The following HMG20B variants were observed in gnomAD, a reference collection of about 807,000 sequenced individuals.
The protein encoded by HMG20B is SWI/SNF-related matrix-associated actin-dependent regulator of chromatin subfamily E member 1-related.
HMG20B carries 24 observed loss-of-function variants against 41.6 expected under a neutral mutation model. That is an observed-to-expected ratio of 0.58 (90% confidence interval 0.42 to 0.81). The LOEUF (loss-of-function observed/expected upper bound fraction) is 0.81. Ranked by LOEUF, HMG20B falls within the 30% of genes least tolerant of loss-of-function variation. HMG20B has a pLI of 0.00. For missense variants in HMG20B, 461 were observed against 444.0 expected (o/e 1.04, Z -0.34); for synonymous variants, 251 against 186.6 (o/e 1.34, Z -2.81).
At position 3,577,097 on chromosome 19, in the gene HMG20B, G is replaced by A. The variant is rs1028537868; in HGVS notation, c.798G>A (p.Leu266=). The A allele has an allele frequency of 1.3e-6, 2 of 1,533,508 alleles. No individual in the cohort carries two copies. The highest frequency in any genetic ancestry group is 1.7e-6 in the Non-Finnish European group (2 of 1,143,422). The allele number at this position is 1,533,508 out of a possible 1,614,324, so 95.0% of individuals were successfully genotyped here. Reference sequence around the variant, plus strand: ...CGCTCACCGCCAGCTTCGCCTCACTGCCGGTGCCGGGTGCGGGCCACGCCC... The same window carrying A: ...CGCTCACCGCCAGCTTCGCCTCACTACCGGTGCCGGGTGCGGGCCACGCCC... ...RQALTASFAS[L]PVPGTGETPT... is the part of the protein sequence containing the mutation. The change falls in exon 8 of 10, where the codon CTG becomes CTA. Residue 266 remains leucine (L), a synonymous_variant. Coordinates refer to ENST00000333651, the MANE Select transcript of HMG20B (RefSeq NM_006339.3).
In HMG20B at chr19:3,578,070, A is replaced by C; in HGVS notation, c.898A>C (p.Lys300Gln). 1.9e-6 allele frequency: 3 copies of C among 1,611,424 alleles called. No individual in the cohort carries two copies. The highest frequency in any genetic ancestry group is 2.5e-6 in the Non-Finnish European group (3 of 1,179,412). The change falls in exon 9 of 10, where the codon AAG becomes CAG. Residue 300 changes from lysine to glutamine, a missense_variant. Physicochemically the swap from Lys to Gln is moderately conservative, Grantham distance 53 (BLOSUM62 1). Transcript: ENST00000333651. ...AIERDPAQHEKLIVRIKEILA... is the reference protein window; with the variant it reads ...AIERDPAQHEQLIVRIKEILA... Reference sequence around the variant, plus strand: ...CGAGCGCGACCCCGCCCAGCACGAGAAGCTCATCGTCCGCATCAAGGAAAT... The same window carrying C: ...CGAGCGCGACCCCGCCCAGCACGAGCAGCTCATCGTCCGCATCAAGGAAAT...
At chr19:3,573,225 C>T in intron 1 of HMG20B, 67 bp from the exon 2 acceptor site, 2 of 1,336,394 alleles carry the variant, frequency 1.5e-6, no homozygotes, top group Non-Finnish European at 1.0e-6. Flanking sequence ...TCGCGGGGTA[C>T]CCCAGTTCGC....
At position 3,576,898 on chromosome 19, in the gene HMG20B, AGGCGGAGCTTC is replaced by A. The variant is rs1568272861; in HGVS notation, c.604_614del (p.Glu202LeufsTer159). On this transcript the variant is annotated frameshift_variant, in exon 8 of 10. Coordinates refer to ENST00000333651, the MANE Select transcript of HMG20B (RefSeq NM_006339.3). LOFTEE classifies it high-confidence loss of function. ...CCCGCTCCCCCCGGCGCAGCGCGTG[AGGCGGAGCTTC>A]GGCGCTTGCGGAAGATGAATGTGGC... 1.3e-6 allele frequency: 2 copies of A among 1,570,306 alleles called. No homozygotes were observed. The highest frequency in any genetic ancestry group is 3.7e-5 in the Admixed American group (2 of 53,362).
intron 1 of HMG20B, 145 bp downstream of exon 1, chr19:3,573,139 G>T: frequency 1.8e-6 from 1 of 564,818 alleles, no homozygotes; most frequent in Non-Finnish European, 2.9e-6. Flanking sequence ...TTCTTGGGGC[G>T]CCCGCCCTCG....
At chr19:3,573,629 G>T (rs1416928618) in intron 2 of HMG20B, 63 bp from the exon 3 acceptor site, 19 of 1,388,510 alleles carry the variant, frequency 1.4e-5, no homozygotes, top group Non-Finnish European at 1.8e-5. Context: ...AACGCCCTGG[G>T]GTGGGCTTTT....
chr19:3,578,869 A>C lies in HMG20B; in HGVS notation c.*348A>C, dbSNP rs928271505. 1.2e-5 allele frequency: 7 copies of C among 563,936 alleles called. No individual in the cohort carries two copies. The highest frequency in any genetic ancestry group is 5.6e-5 in the African/African-American group (3 of 53,704). The allele number at this position is 563,936 out of a possible 1,614,324, so 34.9% of individuals were successfully genotyped here. ...CCCAGCACACGGCAGGACCCCCCAA[A>C]TTACTCACTACGGGGGGCTGTGCCA... On this transcript the variant is annotated 3_prime_UTR_variant, in exon 10 of 10. Coordinates refer to ENST00000333651, the MANE Select transcript of HMG20B (RefSeq NM_006339.3).
intron 8 of HMG20B, among the ~76,000 whole-genome samples, chr19:3,577,314 G>T (rs1300684083): frequency 8.8e-6 from 1 of 113,750 alleles, no homozygotes; most frequent in East Asian, 3.0e-4. Flanking sequence ...CTACCCCATA[G>T]CTCCGTCTGG....
rs1053079048 is a variant in HMG20B at position 3,578,744 on chromosome 19, G to A, written c.*223G>A. 2.6e-6 allele frequency: 2 copies of A among 766,710 alleles called. No individual in the cohort carries two copies. Among genetic ancestry groups the A allele is most frequent in the African/African-American group, 1.7e-5 (1 of 58,920 alleles). 47.5% of individuals were successfully genotyped at this position (766,710 alleles called of 1,614,324 possible). ...AAGCACTCGCTGCGCGATACACCCA[G>A]AAGAACCTCACAGCCGAGGGTGCCC... On this transcript the variant is annotated 3_prime_UTR_variant, in exon 10 of 10. Transcript: ENST00000333651.
At chr19:3,578,438 G>T in intron 9 of HMG20B, 71 bp from the exon 10 acceptor site, 1 of 1,457,854 alleles carries the variant, frequency 6.9e-7, no homozygotes, top group South Asian at 1.5e-5. Context: ...TGGTCTCTGG[G>T]GTTCCCCAGG....
At chr19:3,578,252 G>A (rs749495182) in intron 9 of HMG20B, 139 bp downstream of exon 9, 10 of 1,290,358 alleles carry the variant, frequency 7.7e-6, no homozygotes, top group South Asian at 4.3e-5. Flanking sequence ...GCCTACCTGC[G>A]GTCGCCCCTG....
chr19:3,574,688 C>A, intron 4 of HMG20B, 102 bp downstream of exon 4: 2 of 1,115,288 alleles, frequency 1.8e-6, no homozygotes, highest in Non-Finnish European at 2.5e-6. Context: ...TTTCCTTCTT[C>A]CTGGAGAAAT....
chr19:3,578,974 G>T lies in HMG20B; in HGVS notation c.*453G>T. ...CCTGTACCCCAGATGGGTGGGGGCC[G>T]GCTTTGCCCATCCTGCTCTCCTCCA... On this transcript the variant is annotated 3_prime_UTR_variant, in exon 10 of 10. Transcript: ENST00000333651. 2.7e-6 allele frequency: 1 copy of T among 368,736 alleles called. No homozygotes were observed. The allele number at this position is 368,736 out of a possible 1,614,324, so 22.8% of individuals were successfully genotyped here.
chr19:3,573,741 G>C lies in HMG20B; in HGVS notation c.88G>C (p.Val30Leu), dbSNP rs1460313744. The C allele has an allele frequency of 2.6e-5, 40 of 1,545,708 alleles. No individual in the cohort carries two copies. The highest frequency in any genetic ancestry group is 3.4e-5 in the Non-Finnish European group (39 of 1,150,410). Reference protein sequence around the residue: ...PGQHGGFVVTVKQERGEGPRA... With the variant: ...PGQHGGFVVTLKQERGEGPRA... ...CCAGCATGGGGGCTTCGTGGTGACT[G>C]TCAAGCAAGAGCGCGGCGAGGGTCC... is the stretch of plus-strand genomic sequence containing the variant. Residue 30 changes from valine to leucine, a missense_variant, in exon 3 of 10, where the codon GTC becomes CTC. Transcript: ENST00000333651.
chr19:3,573,107 G>A, intron 1 of HMG20B, 113 bp downstream of exon 1: 1 of 514,228 alleles, frequency 1.9e-6, no homozygotes, highest in Non-Finnish European at 3.4e-6. Context: ...CCTCCCGGGG[G>A]GGGCAATCGC....
intron 9 of HMG20B, 149 bp from the exon 10 acceptor site, chr19:3,578,360 C>G: frequency 8.0e-7 from 1 of 1,255,284 alleles, no homozygotes; most frequent in African/African-American, 1.5e-5. Flanking sequence ...TGGATCCCAG[C>G]GCCCGGGTTA....
At chr19:3,577,447 T>G in intron 8 of HMG20B, among the ~76,000 whole-genome samples, 2 of 134,720 alleles carry the variant, frequency 1.5e-5, no homozygotes, top group Non-Finnish European at 1.6e-5. Flanking sequence ...GCTTACTCGC[T>G]TCCTCCCGCA....
chr19:3,578,359 GCGCCCGGGTTAGATAGGTTCAA>G (rs1568273812), intron 9 of HMG20B, 128 bp from the exon 10 acceptor site: 4 of 1,255,234 alleles, frequency 3.2e-6, no homozygotes, highest in Non-Finnish European at 4.3e-6. Context: ...GTGGATCCCA[GCGCCCGGGTTAGATAGGTTCAA>G]CGCCTGTCCC....
chr19:3,578,570 G>C lies in HMG20B; in HGVS notation c.*49G>C. 6.4e-7 allele frequency: 1 copy of C among 1,555,050 alleles called. No individual in the cohort carries two copies. Among genetic ancestry groups the C allele is most frequent in the Non-Finnish European group, 8.7e-7 (1 of 1,149,962 alleles). ...GAGGAGAAGCTGTGGGCGCGGCCCT[G>C]CCACACCCCACCCCGTGGACGAGAG... On this transcript the variant is annotated 3_prime_UTR_variant, in exon 10 of 10. Coordinates refer to ENST00000333651, the MANE Select transcript of HMG20B (RefSeq NM_006339.3).
chr19:3,574,131 A>G, intron 3 of HMG20B: 1 of 620,046 alleles, frequency 1.6e-6, no homozygotes, highest in Non-Finnish European at 2.9e-6. Flanking sequence ...CCCACAACCG[A>G]AGTCAACGCC....
Sources: gnomAD v4.1 joint callset for allele counts (sites outside exome capture counted in the v4.1 genomes callset) on GRCh38, gnomAD v4.1.1 for gene constraint, MANE v1.5 for transcripts, NCBI Gene and HGNC (gene_info 2026-07-23, HGNC 2026-07-21) for gene names.